The following FADS1 variants were observed in gnomAD, a reference collection of about 807,000 sequenced individuals.
The protein encoded by FADS1 is acyl-CoA (8-3)-desaturase.
Under a neutral mutation model 61.6 loss-of-function variants are expected in FADS1, and 17 were observed. The ratio of observed to expected loss-of-function variants is 0.28; its 90% CI spans 0.19 to 0.41. The LOEUF is 0.41. Ranked by LOEUF, FADS1 falls within the 10% of genes least tolerant of loss-of-function variation. The pLI is 1.00. For missense variants in FADS1, 387 were observed against 650.9 expected (o/e 0.59, Z 4.41); for synonymous variants, 238 against 258.7 (o/e 0.92, Z 0.77).
intron 1 of FADS1, among the ~76,000 whole-genome samples, chr11:61,813,836 G>A (rs2135940568): frequency 6.6e-6 from 1 of 152,050 alleles, no homozygotes; most frequent in South Asian, 2.1e-4. Flanking sequence ...GAGGTAGCGG[G>A]CGCCTGTAGT....
chr11:61,808,261 G>C (rs1470057684), intron 5 of FADS1, among the ~76,000 whole-genome samples: 4 of 151,988 alleles, frequency 2.6e-5, no homozygotes, highest in Non-Finnish European at 5.9e-5. Flanking sequence ...TCTTGAACTC[G>C]GGAGGCGGAG....
rs544389697 is a variant in FADS1, at chr11:61,815,101, G to C, written c.375+1454C>G. On this transcript the variant is annotated intron_variant, in intron 1 of 11. Coordinates refer to ENST00000350997, the MANE Select transcript of FADS1 (RefSeq NM_013402.7). The surrounding 1 kb of genome is among the most constrained non-coding windows in gnomAD (Gnocchi z 6.4). ...TGGGTTGTGCAAGGTAAGGTCCATG[G>C]CGATAAGATTCACGTTGGCAGGTCC... 2.5e-5 allele frequency: 4 copies of C among 159,214 alleles called. No homozygotes were observed. The highest frequency in any genetic ancestry group is 9.6e-5 in the African/African-American group (4 of 41,664). 9.9% of individuals were successfully genotyped at this position (159,214 alleles called of 1,614,324 possible).
chr11:61,803,313 C>T lies in FADS1; in HGVS notation c.1248+50G>A. 6.7e-7 allele frequency: 1 copy of T among 1,495,758 alleles called. No individual in the cohort carries two copies. Among genetic ancestry groups the T allele is most frequent in the Non-Finnish European group, 9.3e-7 (1 of 1,072,054 alleles). 92.7% of individuals were successfully genotyped at this position (1,495,758 alleles called of 1,614,324 possible). On this transcript the variant is annotated intron_variant, in intron 9 of 11. Coordinates refer to ENST00000350997, the MANE Select transcript of FADS1 (RefSeq NM_013402.7). This position sits in a 1 kb window ranked among gnomAD's most constrained non-coding sequence, Gnocchi z 4.3. ...TTTTTGCTGTTTTCACCTACGCATC[C>T]TTTTCAATAGTTGTGTTATGCTCCA...
In FADS1 at chr11:61,813,278, A is replaced by C; in HGVS notation, c.451T>G (p.Ser151Ala). 1 of 1,613,032 alleles carries C rather than the reference A, an allele frequency of 6.2e-7. No individual in the cohort carries two copies. The highest frequency in any genetic ancestry group is 8.5e-7 in the Non-Finnish European group (1 of 1,179,256). ...YMNSLLIGELSPEQPSFEPTK... is the reference protein window; with the variant it reads ...YMNSLLIGELAPEQPSFEPTK... The stretch of plus-strand genomic sequence containing the variant: ...GGCTCAAAGCTGGGCTGCTCTGGAG[A>C]CAGTTCTCCAATCAGGAGAGAGTTC... Residue 151 changes from serine to alanine, a missense_variant, in exon 2 of 12, where the codon TCT becomes GCT. By Grantham distance (99) the Ser-to-Ala change is moderately conservative (BLOSUM62 1). Transcript: ENST00000350997.
At chr11:61,813,881 C>T (rs2066950151) in intron 1 of FADS1, among the ~76,000 whole-genome samples, 1 of 134,522 alleles carries the variant, frequency 7.4e-6, no homozygotes, top group Admixed American at 8.9e-5. Flanking sequence ...AGGAGAATGG[C>T]GTGAACCCCG....
At chr11:61,814,847 C>G (rs1399446534) in intron 1 of FADS1, 1 of 152,316 alleles carries the variant, frequency 6.6e-6, no homozygotes, top group Non-Finnish European at 1.5e-5. Context: ...TCAACTCCAG[C>G]TGGCTTCACC....
intron 6 of FADS1, 84 bp from the exon 7 acceptor site, chr11:61,804,845 T>C: frequency 8.6e-7 from 1 of 1,166,134 alleles, no homozygotes; most frequent in Non-Finnish European, 1.3e-6. Flanking sequence ...AGATGGCCTC[T>C]AGCAGGGGGC....
rs1311653061 is a variant in FADS1 at position 61,802,518 on chromosome 11, C to G, written c.1455-56G>C. 1.2e-5 allele frequency: 18 copies of G among 1,484,138 alleles called. 1 individual carries two copies. In the East Asian group the frequency reaches 4.4e-4, roughly 36 times the overall value. The allele number at this position is 1,484,138 out of a possible 1,614,324, so 91.9% of individuals were successfully genotyped here. On this transcript the variant is annotated intron_variant, in intron 11 of 11. Transcript: ENST00000350997. This position sits in a 1 kb window ranked among gnomAD's most constrained non-coding sequence, Gnocchi z 4.2. ...GGGAGACAAGCAGAGTTGAACCCAC[C>G]GGAGATGGAGCAGTGAGGTTAAGGC...
chr11:61,800,941 A>G lies in FADS1; in HGVS notation c.*1470T>C, dbSNP rs1429345009. The G allele has an allele frequency of 6.6e-6, 1 of 152,344 alleles. No individual in the cohort carries two copies. 9.4% of individuals were successfully genotyped at this position (152,344 alleles called of 1,614,324 possible). The stretch of plus-strand genomic sequence containing the variant: ...TTAAAAAGTTACATTTTAGTATTAT[A>G]CTGATAGGAATATAGGATAATCTCT... On this transcript the variant is annotated 3_prime_UTR_variant, in exon 12 of 12. Transcript: ENST00000350997.
At chr11:61,807,872 A>G (rs192006577) in intron 5 of FADS1, among the ~76,000 whole-genome samples, 4 of 152,362 alleles carry the variant, frequency 2.6e-5, no homozygotes, top group African/African-American at 9.6e-5. Context: ...TTTATTCTGT[A>G]CAAGACACTT....
intron 1 of FADS1, chr11:61,814,815 C>A (rs959635999): frequency 2.0e-5 from 3 of 152,228 alleles, no homozygotes; most frequent in Admixed American, 6.5e-5. Context: ...CAGAAAAGTT[C>A]TCTAGGTCCC....
chr11:61,810,178 T>C (rs1432891333), intron 5 of FADS1, among the ~76,000 whole-genome samples: 4 of 152,158 alleles, frequency 2.6e-5, no homozygotes, highest in Non-Finnish European at 5.9e-5. Context: ...AGCTACATTA[T>C]TTCTGCTTAC....
intron 5 of FADS1, among the ~76,000 whole-genome samples, chr11:61,808,726 G>A (rs542639343): frequency 6.6e-6 from 1 of 152,318 alleles, no homozygotes; most frequent in East Asian, 1.9e-4. Flanking sequence ...CTCAGTTAAT[G>A]TTGCTCGAGA....
intron 1 of FADS1, 64 bp from the exon 2 acceptor site, chr11:61,813,417 C>T: frequency 1.1e-6 from 1 of 910,380 alleles, no homozygotes; most frequent in Non-Finnish European, 1.8e-6. Context: ...GCAGTGTTCG[C>T]ACCAAAGGCC....
At chr11:61,810,117 T>C (rs1224418073) in intron 5 of FADS1, among the ~76,000 whole-genome samples, 1 of 151,336 alleles carries the variant, frequency 6.6e-6, no homozygotes, top group Non-Finnish European at 1.5e-5. Context: ...CATTGCCTAA[T>C]GCTCACTAAA....
At chr11:61,811,289 C>T (rs916922381) in intron 3 of FADS1, among the ~76,000 whole-genome samples, 4 of 152,102 alleles carry the variant, frequency 2.6e-5, no homozygotes, top group Non-Finnish European at 5.9e-5. Context: ...TCTTCTGTTT[C>T]GCCAGCTCCG....
intron 5 of FADS1, among the ~76,000 whole-genome samples, chr11:61,808,110 C>T (rs918847442): frequency 5.3e-5 from 8 of 152,186 alleles, no homozygotes; most frequent in South Asian, 2.1e-4. Flanking sequence ...CTGAGGTAGG[C>T]GGACTGCATG....
chr11:61,816,485 G>T lies in FADS1; in HGVS notation c.375+70C>A. 6.2e-7 allele frequency: 1 copy of T among 1,600,866 alleles called. No homozygotes were observed. The highest frequency in any genetic ancestry group is 8.5e-7 in the Non-Finnish European group (1 of 1,178,484). On this transcript the variant is annotated intron_variant, in intron 1 of 11. Transcript: ENST00000350997. The surrounding 1 kb of genome is among the most constrained non-coding windows in gnomAD (Gnocchi z 7.0). ...TTAGTCGGTGTTTGGCTCGGAGTGC[G>T]TAACTCTGTCTCCCCTGCACTCAGC...
At position 61,803,737 on chromosome 11, in the gene FADS1, G is replaced by A. The variant is rs1380250440; in HGVS notation, c.1084C>T (p.Arg362Cys). 2.5e-6 allele frequency: 4 copies of A among 1,613,772 alleles called. No homozygotes were observed. The highest frequency in any genetic ancestry group is 1.7e-5 in the Admixed American group (1 of 59,998). ...AGTGGCACATAAGTGAGGAAGAAGC[G>A]GACGTAGAAGGTAATCATCCAGGCC... ...DLAWMITFYV[R>C]FFLTYVPLLG... Residue 362 changes from arginine (R) to cysteine (C), a missense_variant, in exon 8 of 12, where the codon CGC becomes TGC. Physicochemically the swap from Arg to Cys is radical, Grantham distance 180 (BLOSUM62 -3). Around this residue, in one of 2 missense-constraint regions of FADS1, gnomAD observed 257 missense variants for 533.3 expected, o/e 0.48. Coordinates refer to ENST00000350997, the MANE Select transcript of FADS1 (RefSeq NM_013402.7). The surrounding 1 kb of genome is among the most constrained non-coding windows in gnomAD (Gnocchi z 4.3).
Sources: gnomAD v4.1 joint callset for allele counts (sites outside exome capture counted in the v4.1 genomes callset) on GRCh38, gnomAD v4.1.1 for gene constraint, gnomAD v4.1.1 regional missense constraint, Gnocchi (gnomAD v3.1) non-coding constraint, MANE v1.5 for transcripts, NCBI Gene and HGNC (gene_info 2026-07-23, HGNC 2026-07-21) for gene names.